Variants in KTN1 observed in about 807,000 individuals in gnomAD.
KTN1 encodes kinectin.
In KTN1, 130 loss-of-function variants were observed where a neutral mutation model predicts 222.5. The ratio of observed to expected loss-of-function variants is 0.58; its 90% CI spans 0.51 to 0.68. The LOEUF (loss-of-function observed/expected upper bound fraction) is 0.68, where lower values mean the gene tolerates loss of function less well. Ranked by LOEUF, KTN1 falls within the 30% of genes least tolerant of loss-of-function variation. The probability of loss-of-function intolerance (pLI) is 0.00; values close to 1 mark genes in which losing one functional copy is unlikely to be tolerated. For missense variants in KTN1, 1,508 were observed against 1,500.4 expected (o/e 1.01, Z -0.08); for synonymous variants, 512 against 496.3 (o/e 1.03, Z -0.42).
intron 1 of KTN1, among the ~76,000 whole-genome samples, chr14:55,609,039 A>T (rs1594813827): frequency 8.5e-6 from 1 of 117,036 alleles, no homozygotes; most frequent in East Asian, 2.1e-4. Context: ...TTATTCTTCT[A>T]AAAAAAAAAA....
Position 55,667,318 on chromosome 14 carries a change from C to T in KTN1, c.3255C>T (p.Val1085=), listed in dbSNP as rs144185879. The change falls in exon 34 of 44, where the codon GTC becomes GTT. Residue 1085 remains valine, a synonymous_variant. Transcript: ENST00000395314. ...AAAAATTATTTCCAAAGGTGTCTGTCCCTTCTAATTTGGTAAGACTAATTT... is the reference window on the plus strand; with the variant it reads ...AAAAATTATTTCCAAAGGTGTCTGTTCCTTCTAATTTGGTAAGACTAATTT... The part of the protein sequence containing the change: ...VLKKLFPKVS[V]PSNLSYGEWL... 1.3e-6 allele frequency: 2 copies of T among 1,584,702 alleles called. No homozygotes were observed. Among genetic ancestry groups the T allele is most frequent in the Non-Finnish European group, 1.7e-6 (2 of 1,159,552 alleles).
intron 27 of KTN1, 31 bp from the exon 28 acceptor site, chr14:55,653,528 A>T: frequency 6.4e-7 from 1 of 1,563,126 alleles, no homozygotes; most frequent in Non-Finnish European, 8.8e-7. Flanking sequence ...TTTAATGCTA[A>T]CAGCATTAAA....
intron 42 of KTN1, 22 bp from the exon 43 acceptor site, chr14:55,679,543 A>G: frequency 6.3e-7 from 1 of 1,588,994 alleles, no homozygotes; most frequent in Admixed American, 1.8e-5. Context: ...GGAGTTTATC[A>G]TCACTTCCAT....
chr14:55,619,056 A>G (rs1029778666), intron 4 of KTN1, 126 bp from the exon 5 acceptor site: 5 of 676,162 alleles, frequency 7.4e-6, no homozygotes, highest in Non-Finnish European at 9.9e-6. Flanking sequence ...AACCTGAAGT[A>G]TATATCTGTT....
At chr14:55,622,435 C>G (rs1409332681) in intron 5 of KTN1, among the ~76,000 whole-genome samples, 1 of 152,156 alleles carries the variant, frequency 6.6e-6, no homozygotes, top group African/African-American at 2.4e-5. Context: ...ATGCAGCCAA[C>G]ATCTATATTC....
chr14:55,627,350 C>T (rs183370260), intron 5 of KTN1, among the ~76,000 whole-genome samples: 106 of 152,144 alleles, frequency 7.0e-4, no homozygotes, highest in African/African-American at 2.4e-3. Flanking sequence ...AGTTATTTTA[C>T]TTTTTATGTA....
At chr14:55,637,714 G>T in intron 11 of KTN1, 65 bp from the exon 12 acceptor site, 1 of 1,093,004 alleles carries the variant, frequency 9.1e-7, no homozygotes, top group Non-Finnish European at 1.4e-6. Flanking sequence ...ATAATACATT[G>T]TGTTCATATA....
chr14:55,681,530 C>T (rs911777353), intron 43 of KTN1: 4 of 152,164 alleles, frequency 2.6e-5, no homozygotes, highest in African/African-American at 7.2e-5. Flanking sequence ...ACATATGAAT[C>T]ATTGATAATA....
chr14:55,633,773 G>A lies in KTN1; in HGVS notation c.1328+432G>A, dbSNP rs550082192. On this transcript the variant is annotated intron_variant, in intron 8 of 43. Coordinates refer to ENST00000395314, the MANE Select transcript of KTN1 (RefSeq NM_001079521.2). The stretch of plus-strand genomic sequence containing the variant: ...ACACCTGGCATTCTAATTAAAAGGT[G>A]TATTCTTGAGTCCTCCCCTTAAAAG... Among the ~76,000 whole-genome samples the A allele has an allele frequency of 9.4e-4, 143 of 152,236 alleles. 1 individual carries two copies. The highest frequency in any genetic ancestry group is 3.4e-3 in the African/African-American group (141 of 41,536).
intron 31 of KTN1, among the ~76,000 whole-genome samples, chr14:55,660,553 G>T (rs1261525025): frequency 6.6e-6 from 1 of 151,880 alleles, no homozygotes; most frequent in East Asian, 1.9e-4. Context: ...ATCTATCATT[G>T]GGAATATTGT....
At chr14:55,590,299 A>G (rs180968237) in intron 1 of KTN1, among the ~76,000 whole-genome samples, 8 of 152,348 alleles carry the variant, frequency 5.3e-5, no homozygotes, top group Admixed American at 2.6e-4. Context: ...TGTATAATGT[A>G]TATGTACAGT....
intron 31 of KTN1, among the ~76,000 whole-genome samples, chr14:55,660,724 T>C (rs1378446116): frequency 6.6e-6 from 1 of 152,244 alleles, no homozygotes; most frequent in East Asian, 1.9e-4. Context: ...GATAGCATTT[T>C]AGGCCTGTGG....
At chr14:55,616,078 AT>A (rs35883742) in intron 2 of KTN1, among the ~76,000 whole-genome samples, 11,587 of 151,528 alleles carry the variant, frequency 0.076, 495 homozygotes, top group South Asian at 0.11. Context: ...CACCTGGCTA[AT>A]TTTTTTTATT....
At chr14:55,652,169 A>G (rs2042985377) in intron 25 of KTN1, among the ~76,000 whole-genome samples, 1 of 152,102 alleles carries the variant, frequency 6.6e-6, no homozygotes, top group Non-Finnish European at 1.5e-5. Flanking sequence ...TCAAATTGAG[A>G]TGTTGCTCTT....
chr14:55,662,020 A>G (rs775368032), intron 32 of KTN1, among the ~76,000 whole-genome samples: 72 of 150,360 alleles, frequency 4.8e-4, no homozygotes, highest in South Asian at 8.4e-4. Context: ...CAAACCCAGT[A>G]TACTCAGTAA....
At chr14:55,681,818 G>C (rs2046394339) in intron 43 of KTN1, 1 of 152,026 alleles carries the variant, frequency 6.6e-6, no homozygotes, top group South Asian at 2.1e-4. Flanking sequence ...ATTCTTCCTT[G>C]TGTACTTATG....
At chr14:55,595,272 T>C (rs2034835301) in intron 1 of KTN1, among the ~76,000 whole-genome samples, 1 of 152,212 alleles carries the variant, frequency 6.6e-6, no homozygotes, top group African/African-American at 2.4e-5. Flanking sequence ...TGTGTGTGCT[T>C]AGGTAAACAG....
chr14:55,605,445 C>T (rs1291134142), intron 1 of KTN1, among the ~76,000 whole-genome samples: 1 of 151,970 alleles, frequency 6.6e-6, no homozygotes, highest in East Asian at 1.9e-4. Context: ...TTTTTAAAAA[C>T]CTTAAGGAGC....
intron 1 of KTN1, among the ~76,000 whole-genome samples, chr14:55,608,439 A>T (rs2037058128): frequency 6.6e-6 from 1 of 152,202 alleles, no homozygotes. Context: ...CTGAACTTGC[A>T]TACATAAAAT....
Sources: gnomAD v4.1 joint callset for allele counts (sites outside exome capture counted in the v4.1 genomes callset) on GRCh38, gnomAD v4.1.1 for gene constraint, MANE v1.5 for transcripts, NCBI Gene and HGNC (gene_info 2026-07-23, HGNC 2026-07-21) for gene names.